DLGAP2: variants seen among roughly 807,000 people sequenced by gnomAD.
The protein encoded by DLGAP2 is DLG associated protein 2, also known as disks large-associated protein 2.
DLGAP2 carries 26 observed loss-of-function variants against 100.3 expected under a neutral mutation model. The ratio of observed to expected loss-of-function variants is 0.26; its 90% CI spans 0.19 to 0.36. DLGAP2 has a LOEUF of 0.36. Ranked by LOEUF, DLGAP2 falls within the 10% of genes least tolerant of loss-of-function variation. The pLI is 1.00. For missense variants in DLGAP2, 1,858 were observed against 1,453.2 expected (o/e 1.28, Z -4.53); for synonymous variants, 886 against 630.1 (o/e 1.41, Z -6.08).
intron 2 of DLGAP2, among the ~76,000 whole-genome samples, chr8:1,074,322 G>A (rs1803534319): frequency 2.6e-5 from 4 of 151,992 alleles, no homozygotes; most frequent in African/African-American, 9.7e-5. Context: ...AGGGTTTGCA[G>A]CAGACTGAGG....
At position 1,279,765 on chromosome 8, in the gene DLGAP2, G is replaced by A. The variant is rs1187927361; in HGVS notation, c.106+20882G>A. Reference sequence around the variant, plus strand: ...ATTCATGGCAGCTGCTTCAAAGCCAGCAACAGAGCCAGAGCAAGTGGCAGG... The same window carrying A: ...ATTCATGGCAGCTGCTTCAAAGCCAACAACAGAGCCAGAGCAAGTGGCAGG... On this transcript the variant is annotated intron_variant, in intron 3 of 14. Coordinates refer to ENST00000637795, the MANE Select transcript of DLGAP2 (RefSeq NM_001346810.2). Among the ~76,000 whole-genome samples, 4 of 152,328 alleles carry A rather than the reference G, an allele frequency of 2.6e-5. No individual in the cohort carries two copies. The East Asian group carries it at 7.7e-4, about 29-fold the overall frequency.
rs542586964 is a variant in DLGAP2 at position 802,686 on chromosome 8, T to A, written c.18+64861T>A. 5.9e-5 allele frequency among the ~76,000 whole-genome samples: 9 copies of A among 152,148 alleles called. No homozygotes were observed. In the South Asian group the frequency reaches 1.7e-3, roughly 28 times the overall value. On this transcript the variant is annotated intron_variant, in intron 1 of 14. Coordinates refer to ENST00000637795, the MANE Select transcript of DLGAP2 (RefSeq NM_001346810.2). ...ACAGGTTTTCCCTTGATCGCCGCCC[T>A]GCATGGAATTTTACTAGCAGAGACA...
At chr8:962,679 G>T (rs999327478) in intron 2 of DLGAP2, among the ~76,000 whole-genome samples, 1 of 152,066 alleles carries the variant, frequency 6.6e-6, no homozygotes, top group African/African-American at 2.4e-5. Context: ...CGGCAACAAC[G>T]ACATCAGATG....
At chr8:1,651,005 CA>C (rs1266353441) in intron 8 of DLGAP2, among the ~76,000 whole-genome samples, 4 of 152,140 alleles carry the variant, frequency 2.6e-5, no homozygotes, top group Admixed American at 6.5e-5. Context: ...CAGCATCTAC[CA>C]CCAAGAAAAC....
intron 3 of DLGAP2, among the ~76,000 whole-genome samples, chr8:1,291,106 C>T (rs183335104): frequency 6.6e-6 from 1 of 152,116 alleles, no homozygotes; most frequent in Non-Finnish European, 1.5e-5. Context: ...ATAATAACAT[C>T]ATGAAGAAAA....
chr8:782,144 A>T (rs1045936303), intron 1 of DLGAP2, among the ~76,000 whole-genome samples: 3 of 152,288 alleles, frequency 2.0e-5, no homozygotes, highest in African/African-American at 4.8e-5. Context: ...ATTTTATTAT[A>T]TGAATGTAAC....
At chr8:781,265 T>C (rs1030887737) in intron 1 of DLGAP2, among the ~76,000 whole-genome samples, 1 of 152,210 alleles carries the variant, frequency 6.6e-6, no homozygotes, top group African/African-American at 2.4e-5. Context: ...AAACTTTGTG[T>C]TGAAAATTTT....
rs537211398 is a variant in DLGAP2, at chr8:752,295, A to G, written c.18+14470A>G. Among the ~76,000 whole-genome samples the G allele has an allele frequency of 2.6e-5, 4 of 152,276 alleles. 1 individual carries two copies. In the South Asian group the frequency reaches 8.3e-4, roughly 32 times the overall value. On this transcript the variant is annotated intron_variant, in intron 1 of 14. Coordinates refer to ENST00000637795, the MANE Select transcript of DLGAP2 (RefSeq NM_001346810.2). ...AATCCCCAGGCTGCCGGCTACCACC[A>G]GTGGGCGCAGAAGGCAAGGTGCACG...
At chr8:797,454 G>A (rs547082477) in intron 1 of DLGAP2, among the ~76,000 whole-genome samples, 2 of 152,312 alleles carry the variant, frequency 1.3e-5, no homozygotes, top group South Asian at 4.1e-4. Flanking sequence ...TCCATTCTCT[G>A]GATGGACTCC....
chr8:1,439,435 C>G (rs753267027), intron 3 of DLGAP2, among the ~76,000 whole-genome samples: 1 of 152,148 alleles, frequency 6.6e-6, no homozygotes, highest in African/African-American at 2.4e-5. Context: ...TAGTTCCTCA[C>G]GGGAGCCCAC....
At chr8:1,033,640 C>T (rs1230955802) in intron 2 of DLGAP2, among the ~76,000 whole-genome samples, 1 of 152,200 alleles carries the variant, frequency 6.6e-6, no homozygotes, top group Non-Finnish European at 1.5e-5. Context: ...GCACTCCAGC[C>T]TGGGTGACAG....
At position 1,450,471 on chromosome 8, in the gene DLGAP2, C is replaced by T. The variant is rs372669814; in HGVS notation, c.107-50895C>T. Among the ~76,000 whole-genome samples the T allele has an allele frequency of 5.9e-4, 88 of 148,668 alleles. 1 individual carries two copies. The East Asian group carries it at 8.3e-3, about 14-fold the overall frequency. The stretch of plus-strand genomic sequence containing the variant: ...CTCGGTGGCTGTGGCTGAGGCTGAG[C>T]TGTGAGGGTGAAGATGAGGTGGGCG... On this transcript the variant is annotated intron_variant, in intron 3 of 14. Transcript: ENST00000637795.
intron 6 of DLGAP2, among the ~76,000 whole-genome samples, chr8:1,595,714 C>G (rs1796436058): frequency 6.6e-6 from 1 of 151,504 alleles, no homozygotes; most frequent in Non-Finnish European, 1.5e-5. Context: ...TCCGGAAGCC[C>G]CCAGCGAGCT....
At chr8:936,767 G>A (rs1374447748) in intron 2 of DLGAP2, among the ~76,000 whole-genome samples, 2 of 152,170 alleles carry the variant, frequency 1.3e-5, no homozygotes, top group African/African-American at 2.4e-5. Flanking sequence ...CTGTTTAAGG[G>A]AATGCTCTGC....
chr8:1,142,317 T>C (rs1473369030), intron 2 of DLGAP2, among the ~76,000 whole-genome samples: 1 of 152,154 alleles, frequency 6.6e-6, no homozygotes, highest in Non-Finnish European at 1.5e-5. Flanking sequence ...ACAGAAGCCA[T>C]GAGTTCTGAG....
chr8:1,288,664 A>G (rs1265134405), intron 3 of DLGAP2, among the ~76,000 whole-genome samples: 2 of 121,914 alleles, frequency 1.6e-5, no homozygotes, highest in Admixed American at 8.9e-5. Context: ...TAGGAGGGGA[A>G]CTTGTTTCGG....
intron 4 of DLGAP2, among the ~76,000 whole-genome samples, chr8:1,536,073 C>T (rs545050814): frequency 6.6e-6 from 1 of 152,238 alleles, no homozygotes; most frequent in African/African-American, 2.4e-5. Flanking sequence ...GGAATTAAAC[C>T]GTTTGTGACA....
chr8:1,620,923 C>A (rs1797312451), intron 6 of DLGAP2, among the ~76,000 whole-genome samples: 2 of 152,204 alleles, frequency 1.3e-5, no homozygotes, highest in Non-Finnish European at 2.9e-5. Flanking sequence ...ACTTCTCTCC[C>A]AGAATGCCTT....
intron 1 of DLGAP2, among the ~76,000 whole-genome samples, chr8:880,913 C>T (rs539410569): frequency 5.9e-5 from 9 of 152,266 alleles, no homozygotes; most frequent in Admixed American, 5.2e-4. Context: ...GATCTCCACT[C>T]TGTTAATTTA....
Sources: allele counts gnomAD v4.1 joint callset (sites outside exome capture counted in the v4.1 genomes callset), GRCh38; gene constraint gnomAD v4.1.1; transcripts MANE v1.5; gene names NCBI Gene and HGNC (gene_info 2026-07-23, HGNC 2026-07-21).